CHCHD6: variants seen among roughly 807,000 people sequenced by gnomAD.
The protein encoded by CHCHD6 is MICOS complex subunit MIC25.
CHCHD6 carries 28 observed loss-of-function variants against 32.3 expected under a neutral mutation model. The observed-to-expected ratio is 0.87, with a 90% CI of 0.64 to 1.19. The LOEUF is 1.19. Ranked by LOEUF, CHCHD6 falls within the 50% of genes most tolerant of loss-of-function variation. CHCHD6 has a pLI of 0.00. For synonymous variants in CHCHD6, 122 were observed against 117.5 expected, an observed-to-expected ratio of 1.04 and a Z score of -0.25; for missense variants, 333 against 307.0, an observed-to-expected ratio of 1.08 and a Z score of -0.63.
chr3:126,833,765 C>G (rs1940735204), intron 4 of CHCHD6, among the ~76,000 whole-genome samples: 1 of 152,142 alleles, frequency 6.6e-6, no homozygotes, highest in South Asian at 2.1e-4. Context: ...TTAGAATTAC[C>G]AATAACGTGG....
intron 5 of CHCHD6, among the ~76,000 whole-genome samples, chr3:126,871,867 G>T (rs1419039665): frequency 1.3e-5 from 2 of 151,764 alleles, no homozygotes; most frequent in African/African-American, 4.8e-5. Flanking sequence ...GGGTTTCACC[G>T]TGTTAACCAG....
intron 4 of CHCHD6, among the ~76,000 whole-genome samples, chr3:126,786,274 G>C (rs1938208643): frequency 6.6e-6 from 1 of 152,190 alleles, no homozygotes; most frequent in Non-Finnish European, 1.5e-5. Context: ...TGTGAATGGT[G>C]CCGCAATAAA....
chr3:126,778,913 C>T (rs1019711501), intron 4 of CHCHD6, among the ~76,000 whole-genome samples: 4 of 151,628 alleles, frequency 2.6e-5, no homozygotes, highest in Non-Finnish European at 4.4e-5. Flanking sequence ...TGCCACCACG[C>T]CTGGCTCATT....
At chr3:126,811,573 T>C (rs1041510943) in intron 4 of CHCHD6, among the ~76,000 whole-genome samples, 13 of 152,054 alleles carry the variant, frequency 8.5e-5, no homozygotes, top group Admixed American at 8.5e-4. Flanking sequence ...TTTTTTCCCC[T>C]GCCCCAAGCT....
chr3:126,776,638 G>A (rs7627238), intron 4 of CHCHD6, among the ~76,000 whole-genome samples: 16,444 of 152,230 alleles, frequency 0.11, 954 homozygotes, highest in Middle Eastern at 0.22. Flanking sequence ...AGCAACAACA[G>A]CAATCATATT....
At chr3:126,881,147 G>C (rs1340046775) in intron 5 of CHCHD6, among the ~76,000 whole-genome samples, 5 of 152,260 alleles carry the variant, frequency 3.3e-5, no homozygotes, top group African/African-American at 1.2e-4. Flanking sequence ...CATATGGGCT[G>C]TTTGCCCCAG....
At chr3:126,722,175 G>T (rs57949871) in intron 1 of CHCHD6, among the ~76,000 whole-genome samples, 1 of 152,290 alleles carries the variant, frequency 6.6e-6, no homozygotes, top group South Asian at 2.1e-4. Context: ...TATTTATTTA[G>T]AAACAGAGCC....
intron 6 of CHCHD6, among the ~76,000 whole-genome samples, chr3:126,930,183 C>A (rs563760416): frequency 1.3e-5 from 2 of 152,252 alleles, no homozygotes; most frequent in Non-Finnish European, 2.9e-5. Flanking sequence ...ATGTTTCCAA[C>A]AGACTCTTCT....
At chr3:126,826,437 T>G (rs948690470) in intron 4 of CHCHD6, among the ~76,000 whole-genome samples, 1 of 152,172 alleles carries the variant, frequency 6.6e-6, no homozygotes, top group African/African-American at 2.4e-5. Context: ...AAGTATTCAG[T>G]AAGTAGAGAG....
chr3:126,801,509 A>C (rs1234298988), intron 4 of CHCHD6, among the ~76,000 whole-genome samples: 1 of 152,182 alleles, frequency 6.6e-6, no homozygotes, highest in Non-Finnish European at 1.5e-5. Flanking sequence ...AAGCTAGGGG[A>C]GGGGCACCCG....
At chr3:126,914,852 C>A in intron 6 of CHCHD6, 102 bp downstream of exon 6, 1 of 720,210 alleles carries the variant, frequency 1.4e-6, no homozygotes, top group South Asian at 1.5e-5. Flanking sequence ...TCAAGTTTCC[C>A]TAATAATACA....
rs775291063 is a variant in CHCHD6, at chr3:126,914,763, T to G, written c.566+13T>G. On this transcript the variant is annotated intron_variant, in intron 6 of 7. Transcript: ENST00000290913. ...AGAGCACAATAAAGTAAGAATTTGT[T>G]TATTATTCTTTGTAAACTTGGCCCA... 2 of 1,485,168 alleles carry G rather than the reference T, an allele frequency of 1.3e-6. No individual in the cohort carries two copies. The highest frequency in any genetic ancestry group is 3.3e-5 in the Admixed American group (2 of 59,834). The allele number at this position is 1,485,168 out of a possible 1,614,324, so 92.0% of individuals were successfully genotyped here. A position where few individuals can be genotyped will look rare whatever the true frequency, so the allele number is the denominator to read the frequency against.
intron 1 of CHCHD6, among the ~76,000 whole-genome samples, chr3:126,708,908 C>T (rs560030177): frequency 6.6e-5 from 10 of 152,206 alleles, no homozygotes; most frequent in Admixed American, 3.3e-4. Flanking sequence ...TAGATAGTCC[C>T]CTCTTGGTCT....
intron 4 of CHCHD6, among the ~76,000 whole-genome samples, chr3:126,779,153 T>G (rs1251455300): frequency 6.6e-6 from 1 of 152,140 alleles, no homozygotes; most frequent in African/African-American, 2.4e-5. Context: ...CTGGTAATTT[T>G]TCTTTATTGC....
intron 5 of CHCHD6, among the ~76,000 whole-genome samples, chr3:126,880,579 G>C (rs2077594992): frequency 1.3e-5 from 2 of 151,926 alleles, no homozygotes; most frequent in African/African-American, 4.9e-5. Context: ...TACCATCTGA[G>C]AGGATGATTC....
At chr3:126,896,186 A>C (rs1027545357) in intron 5 of CHCHD6, among the ~76,000 whole-genome samples, 1 of 152,226 alleles carries the variant, frequency 6.6e-6, no homozygotes, top group African/African-American at 2.4e-5. Flanking sequence ...GGAAAAGTCA[A>C]GTTACTTTTC....
At chr3:126,885,670 T>TA (rs1170283420) in intron 5 of CHCHD6, among the ~76,000 whole-genome samples, 1 of 152,222 alleles carries the variant, frequency 6.6e-6, no homozygotes, top group Admixed American at 6.5e-5. Flanking sequence ...ACCATTACTC[T>TA]AACTCCCAGC....
At chr3:126,813,188 G>A (rs1232864940) in intron 4 of CHCHD6, among the ~76,000 whole-genome samples, 2 of 151,848 alleles carry the variant, frequency 1.3e-5, no homozygotes, top group Non-Finnish European at 2.9e-5. Flanking sequence ...GCCTTTTATC[G>A]GCCACAGGAC....
At chr3:126,930,040 T>C (rs954231285) in intron 6 of CHCHD6, among the ~76,000 whole-genome samples, 3 of 152,244 alleles carry the variant, frequency 2.0e-5, no homozygotes, top group Admixed American at 1.3e-4. Context: ...ATGTTATTTC[T>C]TTCCCACTAG....
Sources: allele counts gnomAD v4.1 joint callset (sites outside exome capture counted in the v4.1 genomes callset), GRCh38; gene constraint gnomAD v4.1.1; transcripts MANE v1.5; gene names NCBI Gene and HGNC (gene_info 2026-07-23, HGNC 2026-07-21).